GALNTL6: variants seen among roughly 807,000 people sequenced by gnomAD.
GALNTL6 encodes polypeptide N-acetylgalactosaminyltransferase-like 6.
GALNTL6 carries 46 observed loss-of-function variants against 73.7 expected under a neutral mutation model. That is an observed-to-expected ratio of 0.62 (90% CI 0.49 to 0.80). The LOEUF is 0.80. GALNTL6 is among the 30% of genes least tolerant of loss of function. The pLI is 0.00. For synonymous variants in GALNTL6, 259 were observed against 263.7 expected (o/e 0.98, Z 0.17); for missense variants, 604 against 755.0 (o/e 0.80, Z 2.34).
intron 2 of GALNTL6, among the ~76,000 whole-genome samples, chr4:171,820,266 A>C (rs1186933114): frequency 1.3e-5 from 2 of 152,210 alleles, no homozygotes; most frequent in African/African-American, 4.8e-5. Flanking sequence ...GCAAAATGGC[A>C]TCAGAAAGAG....
intron 2 of GALNTL6, among the ~76,000 whole-genome samples, chr4:171,935,136 G>A (rs919680423): frequency 3.3e-5 from 5 of 152,020 alleles, no homozygotes; most frequent in Non-Finnish European, 7.4e-5. Flanking sequence ...GATGTGAGAG[G>A]TACTTCCGGA....
At chr4:172,727,016 T>C (rs1735855718) in intron 5 of GALNTL6, among the ~76,000 whole-genome samples, 1 of 152,196 alleles carries the variant, frequency 6.6e-6, no homozygotes, top group African/African-American at 2.4e-5. Flanking sequence ...GGCATTCAGA[T>C]TAAAAACTTA....
intron 2 of GALNTL6, among the ~76,000 whole-genome samples, chr4:172,178,652 C>CT (rs376927709): frequency 0.056 from 7,605 of 135,454 alleles, 245 homozygotes; most frequent in African/African-American, 0.12. Context: ...GACACATTTT[C>CT]TTTTTTTTTT....
At chr4:171,823,184 C>T (rs1034098644) in intron 2 of GALNTL6, among the ~76,000 whole-genome samples, 3 of 152,014 alleles carry the variant, frequency 2.0e-5, no homozygotes, top group Non-Finnish European at 2.9e-5. Flanking sequence ...TAAAATTATA[C>T]TAGATTAAAT....
intron 5 of GALNTL6, among the ~76,000 whole-genome samples, chr4:172,419,335 G>T (rs1730962741): frequency 6.6e-6 from 1 of 152,156 alleles, no homozygotes; most frequent in Non-Finnish European, 1.5e-5. Context: ...GGTTCATTGT[G>T]AGGATAAAGT....
chr4:172,719,831 G>C (rs763474025), intron 5 of GALNTL6, among the ~76,000 whole-genome samples: 12 of 152,134 alleles, frequency 7.9e-5, no homozygotes, highest in Non-Finnish European at 1.5e-4. Context: ...GAGCAGCCCC[G>C]AGGGCTGCTG....
chr4:172,061,466 T>C (rs1230359321), intron 2 of GALNTL6, among the ~76,000 whole-genome samples: 3 of 152,118 alleles, frequency 2.0e-5, no homozygotes, highest in Non-Finnish European at 4.4e-5. Flanking sequence ...GCTCCTTTAT[T>C]TGTCTAGTGA....
chr4:172,186,015 A>T (rs1339225506), intron 2 of GALNTL6, among the ~76,000 whole-genome samples: 1 of 152,148 alleles, frequency 6.6e-6, no homozygotes, highest in Non-Finnish European at 1.5e-5. Context: ...CAATTTGTTA[A>T]TATTGTCTTC....
At chr4:172,826,638 G>A (rs886376533) in intron 7 of GALNTL6, among the ~76,000 whole-genome samples, 3 of 152,184 alleles carry the variant, frequency 2.0e-5, no homozygotes, top group African/African-American at 2.4e-5. Flanking sequence ...CAGCCTGTGG[G>A]GATGGGGGGA....
chr4:173,021,321 C>G (rs993911819), intron 11 of GALNTL6, among the ~76,000 whole-genome samples, 155 bp from the exon 12 acceptor site: 1 of 152,162 alleles, frequency 6.6e-6, no homozygotes. Context: ...TGACACGTGC[C>G]TTTTCCAACA....
At chr4:172,528,946 C>A (rs1735064166) in intron 5 of GALNTL6, among the ~76,000 whole-genome samples, 1 of 8,658 alleles carries the variant, frequency 1.2e-4, no homozygotes, top group Non-Finnish European at 5.2e-4. Flanking sequence ...TTTGTTTTCC[C>A]AAAGGCATAT....
At chr4:172,494,238 T>G (rs1425068575) in intron 5 of GALNTL6, among the ~76,000 whole-genome samples, 2 of 152,224 alleles carry the variant, frequency 1.3e-5, no homozygotes, top group African/African-American at 2.4e-5. Flanking sequence ...TACGTAATAT[T>G]ACGATTCCTT....
intron 2 of GALNTL6, among the ~76,000 whole-genome samples, chr4:172,079,428 GATTA>G (rs1731809559): frequency 6.6e-6 from 1 of 151,854 alleles, no homozygotes; most frequent in South Asian, 2.1e-4. Context: ...GTATATCTTT[GATTA>G]ATTGACTATT....
intron 2 of GALNTL6, among the ~76,000 whole-genome samples, chr4:171,937,902 A>G (rs1738401077): frequency 6.6e-6 from 1 of 152,208 alleles, no homozygotes; most frequent in African/African-American, 2.4e-5. Context: ...ATTATTAAAC[A>G]ACAATCTGTC....
At chr4:173,018,895 G>A (rs1282801626) in intron 11 of GALNTL6, among the ~76,000 whole-genome samples, 1 of 152,216 alleles carries the variant, frequency 6.6e-6, no homozygotes, top group African/African-American at 2.4e-5. Flanking sequence ...AAAAGGTTGT[G>A]AGATTTTAGA....
intron 5 of GALNTL6, among the ~76,000 whole-genome samples, chr4:172,563,201 C>T (rs970324514): frequency 1.3e-5 from 2 of 152,140 alleles, no homozygotes; most frequent in African/African-American, 4.8e-5. Flanking sequence ...AGGAGACACC[C>T]CAAAGGACCT....
At chr4:171,882,962 C>CT (rs1019103401) in intron 2 of GALNTL6, among the ~76,000 whole-genome samples, 4 of 152,150 alleles carry the variant, frequency 2.6e-5, no homozygotes, top group Non-Finnish European at 5.9e-5. Context: ...AAAGTATCAG[C>CT]TTTGGGATCA....
chr4:172,431,804 T>C (rs1207476742), intron 5 of GALNTL6, among the ~76,000 whole-genome samples: 2 of 152,136 alleles, frequency 1.3e-5, no homozygotes, highest in African/African-American at 2.4e-5. Flanking sequence ...TACATAATGG[T>C]AATTTTATAT....
At position 172,756,602 on chromosome 4, in the gene GALNTL6, G is replaced by A. The variant is rs186450738; in HGVS notation, c.554-52759G>A. ...CGAAGTTGCAGTGAGCCAAGATCGC[G>A]TCACTGCACACTACAGCCCGGCAAC... On this transcript the variant is annotated intron_variant, in intron 5 of 12. Coordinates refer to ENST00000506823, the MANE Select transcript of GALNTL6 (RefSeq NM_001034845.3). Among the ~76,000 whole-genome samples the A allele has an allele frequency of 4.6e-5, 7 of 151,574 alleles. No individual in the cohort carries two copies. The South Asian group carries it at 6.3e-4, about 14-fold the overall frequency.
Sources: gnomAD v4.1 joint callset for allele counts (sites outside exome capture counted in the v4.1 genomes callset) on GRCh38, gnomAD v4.1.1 for gene constraint, MANE v1.5 for transcripts, NCBI Gene and HGNC (gene_info 2026-07-23, HGNC 2026-07-21) for gene names.